ARMC9: variants seen among roughly 807,000 people sequenced by gnomAD.
ARMC9 encodes armadillo repeat containing 9, also known as lisH domain-containing protein ARMC9.
Under a neutral mutation model 107.0 loss-of-function variants are expected in ARMC9, and 94 were observed. That is an observed-to-expected ratio of 0.88 (90% CI 0.74 to 1.04). ARMC9 has a LOEUF of 1.04. ARMC9 is among the 50% of genes least tolerant of loss of function. The pLI is 0.00. For missense variants in ARMC9, 942 were observed against 1,030.1 expected, an observed-to-expected ratio of 0.91 and a Z score of 1.17; for synonymous variants, 380 against 396.9, an observed-to-expected ratio of 0.96 and a Z score of 0.51.
intron 19 of ARMC9, among the ~76,000 whole-genome samples, chr2:231,298,422 T>A (rs900362478): frequency 6.6e-6 from 1 of 152,246 alleles, no homozygotes; most frequent in Admixed American, 6.5e-5. Flanking sequence ...GATCTTAGGC[T>A]AAAGAAAATT....
intron 7 of ARMC9, among the ~76,000 whole-genome samples, chr2:231,230,820 GA>G (rs948841630): frequency 1.3e-5 from 2 of 152,130 alleles, no homozygotes; most frequent in Non-Finnish European, 2.9e-5. Context: ...AAAATGATAT[GA>G]AAAAAAGTCT....
chr2:231,234,282 C>G (rs931758728), intron 7 of ARMC9, among the ~76,000 whole-genome samples: 2 of 152,148 alleles, frequency 1.3e-5, no homozygotes, highest in Non-Finnish European at 2.9e-5. Flanking sequence ...CTGCCGAGAC[C>G]AGGGTGGCTT....
intron 19 of ARMC9, among the ~76,000 whole-genome samples, chr2:231,300,407 G>A (rs1263981955): frequency 7.9e-5 from 12 of 152,312 alleles, no homozygotes; most frequent in Non-Finnish European, 7.4e-5. Context: ...ATCTAAAAGA[G>A]TATCTGTGGT....
At chr2:231,262,550 CT>C in intron 12 of ARMC9, 152 bp downstream of exon 12, 1 of 729,228 alleles carries the variant, frequency 1.4e-6, no homozygotes, top group Admixed American at 2.5e-5. Flanking sequence ...CATTGGCTTA[CT>C]TTTTGCTTCT....
intron 3 of ARMC9, among the ~76,000 whole-genome samples, chr2:231,210,746 T>C (rs1366394200): frequency 6.6e-6 from 1 of 152,232 alleles, no homozygotes. Context: ...TCTCTTTAGG[T>C]CTTTTTAAAA....
chr2:231,268,110 A>T (rs2039010757), intron 12 of ARMC9, among the ~76,000 whole-genome samples: 1 of 152,176 alleles, frequency 6.6e-6, no homozygotes, highest in African/African-American at 2.4e-5. Flanking sequence ...AGAATATATA[A>T]TATATGGTTT....
chr2:231,271,840 G>A (rs1464521457), intron 13 of ARMC9, among the ~76,000 whole-genome samples: 1 of 152,150 alleles, frequency 6.6e-6, no homozygotes, highest in African/African-American at 2.4e-5. Context: ...GCTTATTACA[G>A]GGTCCCAGGT....
chr2:231,315,095 C>T (rs1405895726), intron 19 of ARMC9, among the ~76,000 whole-genome samples: 1 of 151,296 alleles, frequency 6.6e-6, no homozygotes, highest in Non-Finnish European at 1.5e-5. Flanking sequence ...GAAAATTAGC[C>T]GGGTGTGGTG....
chr2:231,362,561 C>T lies in ARMC9; in HGVS notation c.2261+1678C>T, dbSNP rs753322768. On this transcript the variant is annotated intron_variant, in intron 23 of 24. Coordinates refer to ENST00000611582, the MANE Select transcript of ARMC9 (RefSeq NM_001352754.2). The surrounding 1 kb of genome is among the most constrained non-coding windows in gnomAD (Gnocchi z 4.7). ...AGCACAAAGACCCCTCAGGGTCCAA[C>T]CCAGAGGTGCCCTCCCCTTGGTGTC... 2 of 151,886 alleles carry T rather than the reference C, an allele frequency of 1.3e-5. No individual in the cohort carries two copies. The highest frequency in any genetic ancestry group is 2.9e-5 in the Non-Finnish European group (2 of 67,980). 9.4% of individuals were successfully genotyped at this position (151,886 alleles called of 1,614,324 possible). A position where few individuals can be genotyped will look rare whatever the true frequency, so the allele number is the denominator to read the frequency against.
At chr2:231,211,161 C>A (rs1210078629) in intron 3 of ARMC9, among the ~76,000 whole-genome samples, 3 of 137,282 alleles carry the variant, frequency 2.2e-5, no homozygotes, top group African/African-American at 3.0e-5. Context: ...CACACACACC[C>A]CCACAGTTTA....
rs533141587 is a variant in ARMC9 at position 231,258,177 on chromosome 2, C to CT, written c.915-807dup. 1.1e-4 allele frequency among the ~76,000 whole-genome samples: 17 copies of CT among 152,184 alleles called. No individual in the cohort carries two copies. In the East Asian group the frequency reaches 2.9e-3, roughly 26 times the overall value. On this transcript the variant is annotated intron_variant, in intron 10 of 24. Coordinates refer to ENST00000611582, the MANE Select transcript of ARMC9 (RefSeq NM_001352754.2). ...GGGCTAAGCCACCCACCTAATTACTCTTTTTTTCTTTTTTTTCTTTTCTTT... is the reference window on the plus strand; with the variant it reads ...GGGCTAAGCCACCCACCTAATTACTCTTTTTTTTCTTTTTTTTCTTTTCTTT...
At chr2:231,229,419 A>G (rs1400646502) in intron 7 of ARMC9, among the ~76,000 whole-genome samples, 1 of 152,250 alleles carries the variant, frequency 6.6e-6, no homozygotes, top group Non-Finnish European at 1.5e-5. Flanking sequence ...AAGACAGGAA[A>G]GGCACTTGCA....
At chr2:231,355,295 G>A (rs1234957412) in intron 21 of ARMC9, among the ~76,000 whole-genome samples, 1 of 152,178 alleles carries the variant, frequency 6.6e-6, no homozygotes. Context: ...AGCTGTGGTT[G>A]CACCATGGCA....
intron 21 of ARMC9, among the ~76,000 whole-genome samples, chr2:231,353,988 C>T (rs1365282457): frequency 1.6e-4 from 18 of 115,320 alleles, no homozygotes; most frequent in African/African-American, 9.8e-4. Flanking sequence ...TATACACACA[C>T]ACACACACAC....
chr2:231,281,685 T>G (rs2040230154), intron 16 of ARMC9, among the ~76,000 whole-genome samples: 1 of 151,580 alleles, frequency 6.6e-6, no homozygotes, highest in Non-Finnish European at 1.5e-5. Context: ...AAAAGAGGGG[T>G]TCCTATCGAA....
intron 8 of ARMC9, among the ~76,000 whole-genome samples, chr2:231,236,457 G>A (rs1202903174): frequency 6.6e-6 from 1 of 152,120 alleles, no homozygotes; most frequent in Non-Finnish European, 1.5e-5. Flanking sequence ...TGGACATACA[G>A]ATTTTTTAAA....
intron 12 of ARMC9, among the ~76,000 whole-genome samples, chr2:231,268,280 C>T (rs952401848): frequency 1.3e-5 from 2 of 152,134 alleles, no homozygotes; most frequent in East Asian, 1.9e-4. Context: ...GCCACATGTT[C>T]GCTTTGTGAA....
intron 21 of ARMC9, among the ~76,000 whole-genome samples, chr2:231,348,378 C>T (rs1454287288): frequency 2.0e-5 from 3 of 152,236 alleles, no homozygotes; most frequent in African/African-American, 7.2e-5. Flanking sequence ...AAAGAATGCA[C>T]CCCTGTTGAC....
At chr2:231,215,854 G>A (rs2033443437) in intron 4 of ARMC9, among the ~76,000 whole-genome samples, 2 of 152,168 alleles carry the variant, frequency 1.3e-5, no homozygotes, top group Non-Finnish European at 2.9e-5. Flanking sequence ...ACTCTTGCAG[G>A]GAAGATCACA....
Sources: gnomAD v4.1 joint callset for allele counts (sites outside exome capture counted in the v4.1 genomes callset) on GRCh38, gnomAD v4.1.1 for gene constraint, Gnocchi (gnomAD v3.1) non-coding constraint, MANE v1.5 for transcripts, NCBI Gene and HGNC (gene_info 2026-07-23, HGNC 2026-07-21) for gene names.